SKAP2: variants seen among roughly 807,000 people sequenced by gnomAD.
SKAP2 encodes the protein src kinase-associated phosphoprotein 2.
A neutral mutation model predicts 54.9 loss-of-function variants in SKAP2; 28 were observed. The observed-to-expected ratio is 0.51, with a 90% confidence interval of 0.38 to 0.70. The LOEUF is 0.70. SKAP2 is among the 30% of genes least tolerant of loss of function. The pLI, the probability that SKAP2 is intolerant of heterozygous loss-of-function variation, is 0.00. For synonymous variants in SKAP2, 137 were observed against 134.3 expected (o/e 1.02, Z -0.14); for missense variants, 356 against 424.1 (o/e 0.84, Z 1.41).
At position 26,782,665 on chromosome 7, in the gene SKAP2, T is replaced by C. The variant is rs138291046; in HGVS notation, c.308-42701A>G. Among the ~76,000 whole-genome samples, 688 of 152,162 alleles carry C rather than the reference T, an allele frequency of 4.5e-3. 2 individuals are homozygous for C. Among genetic ancestry groups the C allele is most frequent in the African/African-American group, 0.016 (650 of 41,512 alleles). ...ATGATCATGCCATTGCACTCTAGCC[T>C]GGGCAACAGACTGAGGCTGTGTCTC... On this transcript the variant is annotated intron_variant, in intron 4 of 12. Coordinates refer to ENST00000345317, the MANE Select transcript of SKAP2 (RefSeq NM_003930.5).
chr7:26,785,407 C>T (rs978848249), intron 4 of SKAP2, among the ~76,000 whole-genome samples: 2 of 152,026 alleles, frequency 1.3e-5, no homozygotes, highest in African/African-American at 2.4e-5. Context: ...AGGATGGTCT[C>T]GATCTCCTGA....
chr7:26,662,789 C>T (rs748295669), downstream of SKAP2, among the ~76,000 whole-genome samples: 29 of 152,256 alleles, frequency 1.9e-4, no homozygotes, highest in Middle Eastern at 3.4e-3. Flanking sequence ...GATAAACACA[C>T]AGTTACACAA....
At chr7:26,691,187 A>C (rs1786772339) in intron 9 of SKAP2, among the ~76,000 whole-genome samples, 1 of 152,190 alleles carries the variant, frequency 6.6e-6, no homozygotes, top group African/African-American at 2.4e-5. Context: ...TGCTCCATTT[A>C]CATTTGTTCC....
At chr7:26,751,006 A>G (rs1370435505) in intron 4 of SKAP2, among the ~76,000 whole-genome samples, 4 of 152,074 alleles carry the variant, frequency 2.6e-5, no homozygotes. Flanking sequence ...ACATTTTTAT[A>G]ATTTGTGATA....
intron 1 of SKAP2, 72 bp downstream of exon 1, chr7:26,864,291 T>G: frequency 6.3e-7 from 1 of 1,590,738 alleles, no homozygotes; most frequent in South Asian, 1.1e-5. Flanking sequence ...CTCTGAATGC[T>G]TCTGTCCCCA....
chr7:26,813,365 T>G (rs959419829), intron 4 of SKAP2, among the ~76,000 whole-genome samples: 1 of 152,164 alleles, frequency 6.6e-6, no homozygotes, highest in African/African-American at 2.4e-5. Context: ...GTCTATACTT[T>G]TTCAAAAAAT....
rs145352677 is a variant in SKAP2 at position 26,816,746 on chromosome 7, AT to A, written c.307+27283del. On this transcript the variant is annotated intron_variant, in intron 4 of 12. Coordinates refer to ENST00000345317, the MANE Select transcript of SKAP2 (RefSeq NM_003930.5). The stretch of plus-strand genomic sequence containing the variant: ...AAAGAAATTTGATAAGGCAAAAAAA[AT>A]GTTCTGATTAATTAGTTGCTAAGTA... Among the ~76,000 whole-genome samples, 1,472 of 152,244 alleles carry A rather than the reference AT, an allele frequency of 9.7e-3. 47 individuals carry two copies. The highest frequency in any genetic ancestry group is 0.09 in the East Asian group (468 of 5,182).
At chr7:26,717,709 T>A (rs1226971917) in intron 9 of SKAP2, among the ~76,000 whole-genome samples, 3 of 150,458 alleles carry the variant, frequency 2.0e-5, no homozygotes, top group Non-Finnish European at 4.4e-5. Flanking sequence ...GGCGCATGCC[T>A]GTAATCCAGG....
chr7:26,717,732 T>C (rs1444560080), intron 9 of SKAP2, among the ~76,000 whole-genome samples: 3 of 150,878 alleles, frequency 2.0e-5, no homozygotes, highest in African/African-American at 7.3e-5. Flanking sequence ...CTTGGGAGGC[T>C]GAGGCAGGAA....
intron 4 of SKAP2, among the ~76,000 whole-genome samples, chr7:26,801,540 C>T (rs1356679794): frequency 1.3e-5 from 2 of 152,054 alleles, no homozygotes; most frequent in Non-Finnish European, 2.9e-5. Context: ...ATAAAGGCAT[C>T]CAAATTGGAA....
intron 9 of SKAP2, among the ~76,000 whole-genome samples, chr7:26,693,509 GC>G (rs1786834102): frequency 6.6e-6 from 1 of 152,048 alleles, no homozygotes; most frequent in African/African-American, 2.4e-5. Flanking sequence ...AAACTTAAGT[GC>G]CAGTAACATG....
chr7:26,849,047 A>C (rs1323324775), intron 3 of SKAP2, among the ~76,000 whole-genome samples: 4 of 152,204 alleles, frequency 2.6e-5, no homozygotes, highest in Non-Finnish European at 5.9e-5. Context: ...TCGAAGGAAA[A>C]AGCTGTGAAT....
chr7:26,750,752 G>A (rs950669078), intron 4 of SKAP2, among the ~76,000 whole-genome samples: 1 of 152,040 alleles, frequency 6.6e-6, no homozygotes, highest in Non-Finnish European at 1.5e-5. Context: ...TTAGTAATGG[G>A]GAAAATGATG....
chr7:26,662,695 T>C (rs1418221519), downstream of SKAP2, among the ~76,000 whole-genome samples: 1 of 152,248 alleles, frequency 6.6e-6, no homozygotes, highest in Middle Eastern at 3.4e-3. Context: ...GCTGACCAAC[T>C]GAAGCAAAGC....
chr7:26,760,951 C>A (rs558177840), intron 4 of SKAP2, among the ~76,000 whole-genome samples: 2 of 152,092 alleles, frequency 1.3e-5, no homozygotes, highest in East Asian at 3.8e-4. Context: ...AGAAAGAGAA[C>A]TACTGGAAAC....
At chr7:26,698,200 C>T (rs1358577514) in intron 9 of SKAP2, among the ~76,000 whole-genome samples, 1 of 152,096 alleles carries the variant, frequency 6.6e-6, no homozygotes, top group Non-Finnish European at 1.5e-5. Context: ...TCATCATATG[C>T]AGTGCATCTT....
chr7:26,760,951 C>T (rs558177840), intron 4 of SKAP2, among the ~76,000 whole-genome samples: 3 of 152,210 alleles, frequency 2.0e-5, no homozygotes, highest in African/African-American at 7.2e-5. Context: ...AGAAAGAGAA[C>T]TACTGGAAAC....
intron 4 of SKAP2, among the ~76,000 whole-genome samples, chr7:26,783,540 G>C (rs1783470544): frequency 1.3e-5 from 2 of 151,922 alleles, no homozygotes. Context: ...CTTTAAGAGT[G>C]AGCTTAAGTA....
chr7:26,845,284 T>C (rs1055279211), intron 3 of SKAP2, among the ~76,000 whole-genome samples: 1 of 152,174 alleles, frequency 6.6e-6, no homozygotes, highest in Admixed American at 6.5e-5. Flanking sequence ...GTCACCCTAT[T>C]TGTTACCACA....
Sources: allele counts gnomAD v4.1 joint callset (sites outside exome capture counted in the v4.1 genomes callset), GRCh38; gene constraint gnomAD v4.1.1; transcripts MANE v1.5; gene names NCBI Gene and HGNC (gene_info 2026-07-23, HGNC 2026-07-21).